Variants in SREK1IP1 observed in about 807,000 individuals in gnomAD.
The protein encoded by SREK1IP1 is SREK1 interacting protein 1.
SREK1IP1 carries 12 observed loss-of-function variants against 22.8 expected under a neutral mutation model. That is an observed-to-expected ratio of 0.53 (90% CI 0.34 to 0.85). The LOEUF is 0.85. Among genes scored for constraint, SREK1IP1 ranks in the 40% least tolerant of loss-of-function variants. The pLI is 0.02. For missense variants in SREK1IP1, 147 were observed against 171.8 expected (o/e 0.86, Z 0.81); for synonymous variants, 53 against 52.7 (o/e 1.01, Z -0.02).
chr5:64,753,066 G>A (rs1206986791), intron 2 of SREK1IP1, among the ~76,000 whole-genome samples: 1 of 152,148 alleles, frequency 6.6e-6, no homozygotes, highest in East Asian at 1.9e-4. Context: ...TACTTCCATT[G>A]TTGTCTTAAA....
At chr5:64,739,035 T>A (rs1473542066) in intron 3 of SREK1IP1, among the ~76,000 whole-genome samples, 2 of 152,160 alleles carry the variant, frequency 1.3e-5, no homozygotes, top group African/African-American at 4.8e-5. Flanking sequence ...TCCCTGATCC[T>A]GGAAGCCTGG....
chr5:64,767,150 G>A (rs916155002), intron 1 of SREK1IP1, among the ~76,000 whole-genome samples: 15 of 151,556 alleles, frequency 9.9e-5, no homozygotes, highest in Non-Finnish European at 2.1e-4. Flanking sequence ...CTTCCTTTAC[G>A]TATCCAGTTC....
At chr5:64,762,036 G>C (rs150572517) in intron 1 of SREK1IP1, among the ~76,000 whole-genome samples, 24 of 152,330 alleles carry the variant, frequency 1.6e-4, no homozygotes, top group African/African-American at 5.1e-4. Flanking sequence ...GCAAAGGAAT[G>C]TCATATTCGA....
At chr5:64,754,164 T>A in intron 2 of SREK1IP1, 151 bp downstream of exon 2, 1 of 672,492 alleles carries the variant, frequency 1.5e-6, no homozygotes, top group Non-Finnish European at 2.5e-6. Flanking sequence ...TATTTAGTGC[T>A]AACAGAGGAA....
chr5:64,768,455 T>C (rs965447142), intron 1 of SREK1IP1, 50 bp downstream of exon 1: 9 of 1,613,354 alleles, frequency 5.6e-6, no homozygotes, highest in South Asian at 1.1e-5. Flanking sequence ...CTACCCTCCC[T>C]TGCGCTCCCT....
intron 1 of SREK1IP1, among the ~76,000 whole-genome samples, chr5:64,762,662 TA>T (rs1284966041): frequency 6.6e-6 from 1 of 152,202 alleles, no homozygotes; most frequent in Admixed American, 6.5e-5. Flanking sequence ...AAAACATTAA[TA>T]CTTCGTTAAT....
At chr5:64,733,389 T>C (rs1292570072) in intron 3 of SREK1IP1, among the ~76,000 whole-genome samples, 1 of 152,096 alleles carries the variant, frequency 6.6e-6, no homozygotes, top group African/African-American at 2.4e-5. Context: ...CACACACATA[T>C]ATGTATGTTC....
intron 1 of SREK1IP1, among the ~76,000 whole-genome samples, chr5:64,763,941 C>T (rs1742993916): frequency 6.6e-6 from 1 of 152,132 alleles, no homozygotes; most frequent in South Asian, 2.1e-4. Flanking sequence ...CATTATTATA[C>T]TTTGAAGCAT....
intron 2 of SREK1IP1, among the ~76,000 whole-genome samples, chr5:64,742,336 C>T (rs1186506408): frequency 1.3e-5 from 2 of 152,058 alleles, no homozygotes; most frequent in Non-Finnish European, 2.9e-5. Flanking sequence ...AGGGTAGCAG[C>T]TTTCAAGTTT....
At chr5:64,729,219 T>A (rs1305581307) in intron 3 of SREK1IP1, among the ~76,000 whole-genome samples, 1 of 152,240 alleles carries the variant, frequency 6.6e-6, no homozygotes, top group East Asian at 1.9e-4. Context: ...TGTCAAGTAC[T>A]GTGCTATGTA....
At chr5:64,745,328 T>C (rs275822) in intron 2 of SREK1IP1, among the ~76,000 whole-genome samples, 95,754 of 152,056 alleles carry the variant, frequency 0.63, 32,177 homozygotes, top group African/African-American at 0.88. Flanking sequence ...TGGTGGCTCA[T>C]GCCTGTAATA....
intron 3 of SREK1IP1, among the ~76,000 whole-genome samples, chr5:64,737,314 T>C (rs759867583): frequency 1.3e-5 from 2 of 151,690 alleles, no homozygotes; most frequent in Non-Finnish European, 2.9e-5. Context: ...ATGTAGAAAT[T>C]AAACCACACA....
Position 64,724,240 on chromosome 5 carries a change from G to T in SREK1IP1, c.*144C>A. The stretch of plus-strand genomic sequence containing the variant: ...GCACATTAAAAATATATTGCCAGAG[G>T]GATAATGGTCCCAAATACGAAAAAT... On this transcript the variant is annotated 3_prime_UTR_variant, in exon 5 of 5. Transcript: ENST00000513458. 1.5e-6 allele frequency: 1 copy of T among 665,182 alleles called. No homozygotes were observed. Among genetic ancestry groups the T allele is most frequent in the Non-Finnish European group, 2.5e-6 (1 of 400,054 alleles). The allele number at this position is 665,182 out of a possible 1,614,324, so 41.2% of individuals were successfully genotyped here.
intron 3 of SREK1IP1, among the ~76,000 whole-genome samples, chr5:64,735,030 T>C (rs1742436529): frequency 6.6e-6 from 1 of 152,104 alleles, no homozygotes; most frequent in Admixed American, 6.5e-5. Context: ...AAGTATGATG[T>C]AACATTTTGG....
At chr5:64,748,885 A>G (rs965063040) in intron 2 of SREK1IP1, among the ~76,000 whole-genome samples, 1 of 152,122 alleles carries the variant, frequency 6.6e-6, no homozygotes, top group East Asian at 1.9e-4. Flanking sequence ...ACTGGAGATC[A>G]TGAAACCTAT....
At position 64,724,579 on chromosome 5, in the gene SREK1IP1, GATA is replaced by G; in HGVS notation, c.279-9_279-7del. On this transcript the variant is annotated splice_region_variant and splice_polypyrimidine_tract_variant and intron_variant, in intron 4 of 4. Transcript: ENST00000513458. ...TGGAACTGGATGAGTAAGACCTATG[GATA>G]ATAATACATACTGACTGAGAATTGC... The G allele has an allele frequency of 6.5e-7, 1 of 1,543,122 alleles. No individual in the cohort carries two copies. Among genetic ancestry groups the G allele is most frequent in the South Asian group, 1.3e-5 (1 of 77,958 alleles).
At chr5:64,761,130 C>T (rs1431734106) in intron 1 of SREK1IP1, among the ~76,000 whole-genome samples, 1 of 152,032 alleles carries the variant, frequency 6.6e-6, no homozygotes, top group Non-Finnish European at 1.5e-5. Flanking sequence ...AGTCTTCATT[C>T]TTATACTTGC....
At chr5:64,747,422 C>T (rs377691191) in intron 2 of SREK1IP1, among the ~76,000 whole-genome samples, 3 of 152,276 alleles carry the variant, frequency 2.0e-5, no homozygotes, top group East Asian at 3.9e-4. Context: ...ATAAAAGATG[C>T]TCCTATCACC....
At chr5:64,730,173 A>G (rs886853428) in intron 3 of SREK1IP1, among the ~76,000 whole-genome samples, 1 of 152,204 alleles carries the variant, frequency 6.6e-6, no homozygotes, top group African/African-American at 2.4e-5. Flanking sequence ...ACCAGAACCA[A>G]GAAGTAGGAA....
Sources: allele counts gnomAD v4.1 joint callset (sites outside exome capture counted in the v4.1 genomes callset), GRCh38; gene constraint gnomAD v4.1.1; transcripts MANE v1.5; gene names NCBI Gene and HGNC (gene_info 2026-07-23, HGNC 2026-07-21).